The following SPMIP6 variants were observed in gnomAD, a reference collection of about 807,000 sequenced individuals.
SPMIP6 encodes sperm microtubule inner protein 6, also known as ciliated bronchial epithelial protein 1.
At chr9:34,396,133 C>A in the SPMIP6 span, among the ~76,000 whole-genome samples, 189 of 152,058 alleles carry the variant, frequency 1.2e-3, no homozygotes, top group African/African-American at 4.3e-3. Flanking sequence ...TTAAATACAC[C>A]ATTTTGTAAT....
the SPMIP6 span, among the ~76,000 whole-genome samples, chr9:34,386,707 C>T: frequency 6.6e-6 from 1 of 152,216 alleles, no homozygotes; most frequent in Admixed American, 6.5e-5. Context: ...TGGTCCTCAC[C>T]CTACCTTGAC....
At chr9:34,395,547 T>C in the SPMIP6 span, among the ~76,000 whole-genome samples, 1 of 152,186 alleles carries the variant, frequency 6.6e-6, no homozygotes, top group African/African-American at 2.4e-5. Flanking sequence ...ATTTTCTCTC[T>C]CTTCTTTGGC....
At chr9:34,389,745 G>C in the SPMIP6 span, among the ~76,000 whole-genome samples, 1 of 151,996 alleles carries the variant, frequency 6.6e-6, no homozygotes, top group Admixed American at 6.5e-5. Flanking sequence ...TTTTAAAAAA[G>C]TATTCAATAA....
the SPMIP6 span, chr9:34,381,689 A>G: frequency 7.3e-7 from 1 of 1,377,816 alleles, no homozygotes; most frequent in Non-Finnish European, 9.4e-7. This position sits in a 1 kb window ranked among gnomAD's most constrained non-coding sequence, Gnocchi z 4.4. Flanking sequence ...GCCTGTGACA[A>G]CCCTGTCTCA....
chr9:34,382,542 G>A, the SPMIP6 span: 13 of 553,496 alleles, frequency 2.3e-5, no homozygotes, highest in African/African-American at 5.7e-5. Flanking sequence ...CCAAGGTTGC[G>A]CCACTGCGCT....
chr9:34,382,774 A>G, the SPMIP6 span: 2 of 1,613,706 alleles, frequency 1.2e-6, no homozygotes, highest in Non-Finnish European at 1.7e-6. Flanking sequence ...CGAGGAAGGT[A>G]GGTGGTATAC....
At chr9:34,390,929 T>C in the SPMIP6 span, among the ~76,000 whole-genome samples, 1 of 152,186 alleles carries the variant, frequency 6.6e-6, no homozygotes, top group Admixed American at 6.6e-5. Context: ...GCCTTCTTGA[T>C]TAATTTTGTA....
At chr9:34,397,748 C>G in the SPMIP6 span, 5 of 1,066,830 alleles carry the variant, frequency 4.7e-6, no homozygotes, top group South Asian at 3.1e-5. Context: ...GTGCCCTTAG[C>G]TGCTATAATC....
the SPMIP6 span, among the ~76,000 whole-genome samples, chr9:34,390,742 C>T: frequency 6.6e-6 from 1 of 152,124 alleles, no homozygotes; most frequent in Admixed American, 6.6e-5. Flanking sequence ...GCTTCAGCCT[C>T]CGCAGCAGCT....
the SPMIP6 span, chr9:34,379,805 C>A: frequency 4.1e-6 from 5 of 1,228,046 alleles, no homozygotes; most frequent in Admixed American, 9.3e-5. The surrounding 1 kb of genome is among the most constrained non-coding windows in gnomAD (Gnocchi z 4.2). Flanking sequence ...TAGACCAAGC[C>A]CCTGGGCGGC....
At chr9:34,385,870 A>T in the SPMIP6 span, 1 of 1,431,232 alleles carries the variant, frequency 7.0e-7, no homozygotes, top group Non-Finnish European at 9.5e-7. Flanking sequence ...CTCTCTTGAG[A>T]AGGTCAGCCC....
chr9:34,394,632 G>A, the SPMIP6 span, among the ~76,000 whole-genome samples: 1 of 152,102 alleles, frequency 6.6e-6, no homozygotes, highest in African/African-American at 2.4e-5. Context: ...CCTACACTGA[G>A]GATGTTTACC....
At chr9:34,390,797 T>G in the SPMIP6 span, among the ~76,000 whole-genome samples, 5 of 152,238 alleles carry the variant, frequency 3.3e-5, no homozygotes, top group African/African-American at 1.2e-4. Flanking sequence ...TTTTTAAATT[T>G]TTTTGTAGAG....
chr9:34,391,026 A>G, the SPMIP6 span, among the ~76,000 whole-genome samples: 3 of 152,342 alleles, frequency 2.0e-5, no homozygotes, highest in Non-Finnish European at 4.4e-5. Flanking sequence ...GATTAAAACA[A>G]CTGTTCTTCG....
At chr9:34,393,828 G>A in the SPMIP6 span, among the ~76,000 whole-genome samples, 1 of 151,952 alleles carries the variant, frequency 6.6e-6, no homozygotes, top group African/African-American at 2.4e-5. Flanking sequence ...CATTTCACTG[G>A]ACTTTTCAGC....
chr9:34,397,443 G>A, the SPMIP6 span: 1 of 1,548,896 alleles, frequency 6.5e-7, no homozygotes, highest in Non-Finnish European at 8.9e-7. Context: ...ACATTGCCAG[G>A]CATCCAGACT....
chr9:34,387,706 CTT>C, the SPMIP6 span, among the ~76,000 whole-genome samples: 7 of 152,176 alleles, frequency 4.6e-5, no homozygotes, highest in Non-Finnish European at 1.0e-4. Flanking sequence ...GATGTTTCCT[CTT>C]TGTCTGCTCC....
the SPMIP6 span, chr9:34,379,193 G>A: frequency 6.4e-7 from 1 of 1,562,512 alleles, no homozygotes; most frequent in Non-Finnish European, 8.8e-7. This position sits in a 1 kb window ranked among gnomAD's most constrained non-coding sequence, Gnocchi z 4.2. Context: ...TACAGGAAGA[G>A]ATGGGTCAGC....
At chr9:34,381,540 C>T in the SPMIP6 span, 2 of 1,567,040 alleles carry the variant, frequency 1.3e-6, no homozygotes, top group African/African-American at 2.7e-5. The surrounding 1 kb of genome is among the most constrained non-coding windows in gnomAD (Gnocchi z 4.4). Context: ...CGCCACGCCG[C>T]AACTTCTCCC....
Sources: gnomAD v4.1 joint callset for allele counts (sites outside exome capture counted in the v4.1 genomes callset) on GRCh38, gnomAD v4.1.1 for gene constraint, Gnocchi (gnomAD v3.1) non-coding constraint, MANE v1.5 for transcripts, NCBI Gene and HGNC (gene_info 2026-07-23, HGNC 2026-07-21) for gene names.